The following CSMD1 variants were observed in gnomAD, a reference collection of about 807,000 sequenced individuals.
CSMD1 encodes the protein CUB and sushi domain-containing protein 1.
Under a neutral mutation model 417.5 loss-of-function variants are expected in CSMD1, and 213 were observed. The observed-to-expected ratio is 0.51, with a 90% CI of 0.46 to 0.57. The LOEUF is 0.57. CSMD1 is among the 20% of genes least tolerant of loss of function. CSMD1 has a pLI of 0.00. For synonymous variants in CSMD1, 2,862 were observed against 1,736.8 expected (o/e 1.65, Z -16.11); for missense variants, 6,923 against 4,529.7 (o/e 1.53, Z -15.17).
At chr8:3,107,324 C>G (rs1036792222) in intron 45 of CSMD1, among the ~76,000 whole-genome samples, 1 of 152,134 alleles carries the variant, frequency 6.6e-6, no homozygotes, top group Non-Finnish European at 1.5e-5. Flanking sequence ...ATGTAATCAT[C>G]CTTTCAGCCG....
intron 3 of CSMD1, among the ~76,000 whole-genome samples, chr8:4,392,344 G>A (rs1444626164): frequency 6.6e-6 from 1 of 152,142 alleles, no homozygotes; most frequent in Non-Finnish European, 1.5e-5. Flanking sequence ...TGTAGGGAAG[G>A]TCACATGAGG....
intron 1 of CSMD1, among the ~76,000 whole-genome samples, chr8:4,670,032 C>A (rs980776117): frequency 2.0e-5 from 3 of 152,188 alleles, no homozygotes; most frequent in African/African-American, 7.2e-5. Flanking sequence ...ACTCAACCAT[C>A]TGAACCCTGC....
intron 1 of CSMD1, among the ~76,000 whole-genome samples, chr8:4,884,479 C>T (rs775778902): frequency 4.6e-5 from 7 of 151,816 alleles, no homozygotes; most frequent in Non-Finnish European, 8.8e-5. Context: ...AGATTCATGC[C>T]TGTGTTTTCT....
chr8:4,191,496 G>C (rs984087247), intron 3 of CSMD1, among the ~76,000 whole-genome samples: 1 of 152,140 alleles, frequency 6.6e-6, no homozygotes, highest in East Asian at 1.9e-4. Context: ...TTACTTGTCT[G>C]CAAGATACTG....
chr8:4,340,320 T>G (rs751398849), intron 3 of CSMD1, among the ~76,000 whole-genome samples: 2 of 152,046 alleles, frequency 1.3e-5, no homozygotes, highest in African/African-American at 2.4e-5. Context: ...ATCCAAACCC[T>G]TACATTGGCT....
intron 8 of CSMD1, among the ~76,000 whole-genome samples, chr8:3,602,974 C>A (rs1283800867): frequency 6.6e-6 from 1 of 152,228 alleles, no homozygotes; most frequent in East Asian, 1.9e-4. Context: ...TACTTTTCTA[C>A]TACAGATATT....
chr8:2,961,115 A>G, intron 62 of CSMD1, 26 bp downstream of exon 62: 1 of 1,439,220 alleles, frequency 6.9e-7, no homozygotes, highest in South Asian at 1.4e-5. Context: ...CCAGAAAGAA[A>G]ACATAGTAAA....
At position 3,348,174 on chromosome 8, in the gene CSMD1, G is replaced by C; in HGVS notation, c.3305-13C>G. ...GCTCCACATTCGGCTACAATAAATA[G>C]GACATGAGAGAAAGAGGATTCAAAA... On this transcript the variant is annotated splice_polypyrimidine_tract_variant and intron_variant, in intron 21 of 69. Transcript: ENST00000635120. 5.6e-6 allele frequency: 9 copies of C among 1,600,902 alleles called. No individual in the cohort carries two copies. Among genetic ancestry groups the C allele is most frequent in the Non-Finnish European group, 7.7e-6 (9 of 1,173,912 alleles).
chr8:3,956,851 G>T (rs971592593), intron 5 of CSMD1, among the ~76,000 whole-genome samples: 1 of 152,160 alleles, frequency 6.6e-6, no homozygotes, highest in Non-Finnish European at 1.5e-5. Context: ...GGCTCTTCCT[G>T]ACTAGGAACT....
At chr8:4,622,507 C>G (rs1336194837) in intron 2 of CSMD1, among the ~76,000 whole-genome samples, 1 of 152,158 alleles carries the variant, frequency 6.6e-6, no homozygotes, top group Non-Finnish European at 1.5e-5. Flanking sequence ...GTAAGAATGT[C>G]TCTTCCTCCT....
chr8:4,342,203 GTCT>G (rs1800515676), intron 3 of CSMD1, among the ~76,000 whole-genome samples: 1 of 10,474 alleles, frequency 9.5e-5, no homozygotes, highest in Non-Finnish European at 2.2e-4. Flanking sequence ...GCAGTGCTGT[GTCT>G]GTGTGTGTGT....
chr8:4,665,550 T>C (rs1012909576), intron 1 of CSMD1, among the ~76,000 whole-genome samples: 3 of 152,184 alleles, frequency 2.0e-5, no homozygotes, highest in African/African-American at 4.8e-5. Flanking sequence ...TGGTTATCAG[T>C]GATATGATTT....
intron 4 of CSMD1, among the ~76,000 whole-genome samples, chr8:4,002,226 T>C (rs1051280709): frequency 3.9e-5 from 6 of 152,116 alleles, no homozygotes; most frequent in South Asian, 2.1e-4. Flanking sequence ...TGAGTGTGTG[T>C]GCATGTGTGT....
chr8:4,204,535 G>C (rs530125188), intron 3 of CSMD1, among the ~76,000 whole-genome samples: 1 of 152,138 alleles, frequency 6.6e-6, no homozygotes, highest in Non-Finnish European at 1.5e-5. Context: ...ACCTTTCAAA[G>C]TGTAGAAGAA....
intron 1 of CSMD1, among the ~76,000 whole-genome samples, chr8:4,827,557 G>C (rs1166228027): frequency 6.6e-6 from 1 of 152,010 alleles, no homozygotes; most frequent in Non-Finnish European, 1.5e-5. Flanking sequence ...TTCAAACAAG[G>C]CTTTGTTTAT....
At chr8:3,590,192 C>T (rs916466818) in intron 8 of CSMD1, among the ~76,000 whole-genome samples, 1 of 151,992 alleles carries the variant, frequency 6.6e-6, no homozygotes, top group Non-Finnish European at 1.5e-5. Flanking sequence ...ATATTTATAT[C>T]TAAATATTAG....
chr8:3,812,592 C>T (rs140777371), intron 5 of CSMD1, among the ~76,000 whole-genome samples: 251 of 152,202 alleles, frequency 1.6e-3, no homozygotes, highest in Middle Eastern at 6.8e-3. Flanking sequence ...TAAATACTTA[C>T]GCTATAAAGG....
chr8:4,067,589 T>C (rs1316920019), intron 3 of CSMD1, among the ~76,000 whole-genome samples: 2 of 152,226 alleles, frequency 1.3e-5, no homozygotes, highest in African/African-American at 2.4e-5. Flanking sequence ...CATTTTTGTT[T>C]ATTAATTATC....
chr8:3,910,624 T>C (rs1186603767), intron 5 of CSMD1, among the ~76,000 whole-genome samples: 1 of 152,228 alleles, frequency 6.6e-6, no homozygotes, highest in African/African-American at 2.4e-5. Context: ...GATTTTAATA[T>C]AAAGCTATTG....
Sources: allele counts gnomAD v4.1 joint callset (sites outside exome capture counted in the v4.1 genomes callset), GRCh38; gene constraint gnomAD v4.1.1; transcripts MANE v1.5; gene names NCBI Gene and HGNC (gene_info 2026-07-23, HGNC 2026-07-21).